RNF130: variants seen among roughly 807,000 people sequenced by gnomAD.
RNF130 encodes E3 ubiquitin-protein ligase RNF130.
RNF130 carries 21 observed loss-of-function variants against 44.6 expected under a neutral mutation model. That is an observed-to-expected ratio of 0.47 (90% CI 0.33 to 0.68). RNF130 has a LOEUF of 0.68. Ranked by LOEUF, RNF130 falls within the 30% of genes least tolerant of loss-of-function variation. The pLI is 0.02. For synonymous variants in RNF130, 214 were observed against 210.4 expected (o/e 1.02, Z -0.15); for missense variants, 479 against 560.6 (o/e 0.85, Z 1.47).
intron 7 of RNF130, among the ~76,000 whole-genome samples, chr5:179,933,459 A>T (rs1761841898): frequency 6.9e-6 from 1 of 145,766 alleles, no homozygotes; most frequent in South Asian, 2.2e-4. Flanking sequence ...TTGCCATCTC[A>T]ACCATTTCTA....
chr5:179,935,865 T>C (rs1175036898), intron 7 of RNF130, among the ~76,000 whole-genome samples: 1 of 152,178 alleles, frequency 6.6e-6, no homozygotes, highest in Non-Finnish European at 1.5e-5. Flanking sequence ...GACTCCTTCC[T>C]GGACAATGCA....
At chr5:179,934,491 T>A (rs1380440603) in intron 7 of RNF130, among the ~76,000 whole-genome samples, 2 of 151,966 alleles carry the variant, frequency 1.3e-5, no homozygotes, top group African/African-American at 4.8e-5. Context: ...TTAATTTTAT[T>A]CGTCATTTTA....
exon 8 of RNF130, chr5:179,913,006 T>C (rs469318): frequency 0.48 from 72,419 of 152,266 alleles, 21,908 homozygotes; most frequent in African/African-American, 0.85. Context: ...CCAAGTCAGC[T>C]TTGCCAGGCC....
intron 7 of RNF130, among the ~76,000 whole-genome samples, chr5:179,965,365 G>C (rs1279680979): frequency 1.3e-5 from 2 of 152,226 alleles, no homozygotes; most frequent in Non-Finnish European, 2.9e-5. Context: ...GGTAGCTGTG[G>C]TTTAGTTCAA....
At chr5:179,950,219 A>G (rs1561666344), downstream of RNF130, among the ~76,000 whole-genome samples, 1 of 151,890 alleles carries the variant, frequency 6.6e-6, no homozygotes, top group Non-Finnish European at 1.5e-5. Context: ...TTCAAGCAAT[A>G]GACTCTCCTG....
chr5:180,042,083 T>C (rs1172513672), intron 1 of RNF130, among the ~76,000 whole-genome samples: 2 of 152,092 alleles, frequency 1.3e-5, no homozygotes, highest in Non-Finnish European at 2.9e-5. Context: ...TTGTAGTAGA[T>C]AAAGAGATGA....
chr5:179,994,688 G>A (rs1398205556), intron 3 of RNF130, among the ~76,000 whole-genome samples: 11 of 152,150 alleles, frequency 7.2e-5, no homozygotes, highest in Admixed American at 7.2e-4. Flanking sequence ...AACCTCCTGA[G>A]AAGCTGGGGT....
chr5:179,966,697 G>A, intron 7 of RNF130, 109 bp downstream of exon 7: 3 of 885,806 alleles, frequency 3.4e-6, no homozygotes, highest in Non-Finnish European at 3.5e-6. Flanking sequence ...CACTTTCTTG[G>A]TTACAGTCTG....
intron 7 of RNF130, among the ~76,000 whole-genome samples, chr5:179,923,204 A>G (rs1720800960): frequency 6.6e-6 from 1 of 152,026 alleles, no homozygotes; most frequent in African/African-American, 2.4e-5. Flanking sequence ...CTTCAAGTAA[A>G]TCTTTGAAAA....
At chr5:179,920,260 T>G in exon 8 of RNF130, 1 of 670,274 alleles carries the variant, frequency 1.5e-6, no homozygotes, top group East Asian at 2.7e-5. Flanking sequence ...ATAAGAAAGG[T>G]GATCAGAAAT....
At chr5:180,057,807 G>A (rs1228564039) in intron 1 of RNF130, among the ~76,000 whole-genome samples, 1 of 152,134 alleles carries the variant, frequency 6.6e-6, no homozygotes, top group East Asian at 1.9e-4. Flanking sequence ...TCTATGAGCT[G>A]TTATATAGCA....
At chr5:180,060,935 A>G (rs10056316) in intron 1 of RNF130, among the ~76,000 whole-genome samples, 121,535 of 151,802 alleles carry the variant, frequency 0.8, 48,869 homozygotes, top group South Asian at 0.93. Flanking sequence ...TGGGCGAGGT[A>G]GTGGGCGCCT....
intron 1 of RNF130, among the ~76,000 whole-genome samples, chr5:180,047,191 T>C (rs1298486894): frequency 6.6e-6 from 1 of 152,226 alleles, no homozygotes; most frequent in African/African-American, 2.4e-5. Flanking sequence ...TCTTTAAATT[T>C]CCTGCTTCTA....
intron 1 of RNF130, among the ~76,000 whole-genome samples, chr5:180,044,653 G>C (rs550534551): frequency 1.3e-5 from 2 of 152,072 alleles, no homozygotes; most frequent in Non-Finnish European, 2.9e-5. Flanking sequence ...CCAACACAGC[G>C]AAACCCCATC....
At chr5:179,962,484 C>T (rs1463198512) in intron 8 of RNF130, among the ~76,000 whole-genome samples, 1 of 152,108 alleles carries the variant, frequency 6.6e-6, no homozygotes, top group Non-Finnish European at 1.5e-5. Context: ...ATGGAGATCA[C>T]GTGAATTCCA....
At chr5:179,937,929 TGTGTGAGA>T (rs1209908289) in intron 7 of RNF130, among the ~76,000 whole-genome samples, 105 of 134,644 alleles carry the variant, frequency 7.8e-4, no homozygotes, top group African/African-American at 3.0e-3. Context: ...TGTGTGTGTG[TGTGTGAGA>T]GAGAGAGAGA....
chr5:180,042,761 C>T (rs979338265), intron 1 of RNF130, among the ~76,000 whole-genome samples: 11 of 152,142 alleles, frequency 7.2e-5, no homozygotes, highest in African/African-American at 2.7e-4. Flanking sequence ...TGATGTGTAC[C>T]CCTGCCTTCT....
chr5:179,931,032 C>CAAAAAAAAA (rs34266288), intron 7 of RNF130, among the ~76,000 whole-genome samples: 3 of 74,300 alleles, frequency 4.0e-5, no homozygotes, highest in Non-Finnish European at 7.7e-5. Flanking sequence ...ACCTCTGTCT[C>CAAAAAAAAA]AAAAAAAAAA....
chr5:179,939,020 G>C (rs1374548095), intron 7 of RNF130, among the ~76,000 whole-genome samples: 1 of 152,146 alleles, frequency 6.6e-6, no homozygotes, highest in Non-Finnish European at 1.5e-5. Flanking sequence ...CCTGAGGTCA[G>C]GAGTTCAAGA....
Sources: allele counts gnomAD v4.1 joint callset (sites outside exome capture counted in the v4.1 genomes callset), GRCh38; gene constraint gnomAD v4.1.1; transcripts MANE v1.5; gene names NCBI Gene and HGNC (gene_info 2026-07-23, HGNC 2026-07-21).